Variants in IL17RC observed in about 807,000 individuals in gnomAD.
The protein encoded by IL17RC is interleukin 17 receptor C.
In IL17RC, 53 loss-of-function variants were observed where a neutral mutation model predicts 86.7. The ratio of observed to expected loss-of-function variants is 0.61; its 90% CI spans 0.49 to 0.77. The LOEUF (loss-of-function observed/expected upper bound fraction) is 0.77. Ranked by LOEUF, IL17RC falls within the 30% of genes least tolerant of loss-of-function variation. IL17RC has a pLI of 0.00. For synonymous variants in IL17RC, 439 were observed against 413.1 expected, an observed-to-expected ratio of 1.06 and a Z score of -0.76; for missense variants, 957 against 940.0, an observed-to-expected ratio of 1.02 and a Z score of -0.24.
intron 7 of IL17RC, among the ~76,000 whole-genome samples, chr3:9,923,033 G>C (rs984262690): frequency 6.6e-6 from 1 of 151,878 alleles, no homozygotes; most frequent in Non-Finnish European, 1.5e-5. Context: ...AAAATCAGCT[G>C]GGCATGGTGG....
chr3:9,925,955 G>C (rs919134708), intron 9 of IL17RC, among the ~76,000 whole-genome samples: 1 of 150,028 alleles, frequency 6.7e-6, no homozygotes, highest in South Asian at 2.1e-4. Flanking sequence ...AAGCTCCCAG[G>C]TTCAAGGGAT....
At position 9,920,489 on chromosome 3, in the gene IL17RC, A is replaced by G. The variant is rs781581085; in HGVS notation, c.466-2A>G. 1.3e-6 allele frequency: 2 copies of G among 1,584,252 alleles called. No homozygotes were observed. On this transcript the variant is annotated splice_acceptor_variant, in intron 5 of 18. Transcript: ENST00000403601. LOFTEE classifies it high-confidence loss of function. ...CAGCCTTCCTCACCCCTCTCCTCAC[A>G]GGGCTCTGTGGTATATGACTGCTTC...
chr3:9,920,345 G>T, intron 5 of IL17RC, 146 bp from the exon 6 acceptor site: 1 of 588,896 alleles, frequency 1.7e-6, no homozygotes, highest in Non-Finnish European at 3.1e-6. Flanking sequence ...AAGGTGAATA[G>T]TAGATTTCAG....
rs1487986593 is a variant in IL17RC, at chr3:9,928,451, G to A, written c.1024G>A (p.Val342Ile). 6.2e-7 allele frequency: 1 copy of A among 1,609,460 alleles called. No homozygotes were observed. Among genetic ancestry groups the A allele is most frequent in the Non-Finnish European group, 8.5e-7 (1 of 1,179,698 alleles). ...APGGDPCQPL[V>I]PPLSWENVTV... Reference sequence around the variant, plus strand: ...GGGTGGGGACCCCTGCCAGCCACTGGTCCCACCGCTTTCCTGGGAGAACGT... The same window carrying A: ...GGGTGGGGACCCCTGCCAGCCACTGATCCCACCGCTTTCCTGGGAGAACGT... The change falls in exon 11 of 19, where the codon GTC (valine) becomes ATC (isoleucine). Residue 342 changes from valine to isoleucine, a missense_variant. Val to Ile is a conservative substitution (Grantham distance 29). Transcript: ENST00000403601.
intron 9 of IL17RC, among the ~76,000 whole-genome samples, chr3:9,927,703 G>T (rs999184787): frequency 3.3e-5 from 5 of 152,212 alleles, no homozygotes; most frequent in Admixed American, 3.3e-4. Context: ...CACTTTGGGA[G>T]GCTGAGACGG....
intron 12 of IL17RC, among the ~76,000 whole-genome samples, 158 bp downstream of exon 12, chr3:9,928,788 A>G (rs2084363912): frequency 6.6e-6 from 1 of 152,074 alleles, no homozygotes; most frequent in Non-Finnish European, 1.5e-5. Flanking sequence ...ACCCTGGGCA[A>G]CTCACTTCAC....
rs374720293 is a variant in IL17RC, at chr3:9,930,582, A to C, written c.1338+123A>C. 185 of 962,370 alleles carry C rather than the reference A, an allele frequency of 1.9e-4. No individual in the cohort carries two copies. Among genetic ancestry groups the C allele is most frequent in the South Asian group, 8.0e-4 (52 of 65,214 alleles). 59.6% of individuals were successfully genotyped at this position (962,370 alleles called of 1,614,324 possible). ...GCCCTGGGAAAGTTAAGAGTAGAAGAAGCACAGTTCCTATCCCCAAGGAGC... is the reference window on the plus strand; with the variant it reads ...GCCCTGGGAAAGTTAAGAGTAGAAGCAGCACAGTTCCTATCCCCAAGGAGC... On this transcript the variant is annotated intron_variant, in intron 15 of 18. Transcript: ENST00000403601. This position sits in a 1 kb window ranked among gnomAD's most constrained non-coding sequence, Gnocchi z 5.8.
rs144276462 is a variant in IL17RC, at chr3:9,917,327, C to G, written c.12C>G (p.Pro4=). Residue 4 remains proline (P), a synonymous_variant, in exon 1 of 19, where the codon CCC becomes CCG. Coordinates refer to ENST00000403601, the MANE Select transcript of IL17RC (RefSeq NM_153460.4). ...CTGGCACCTAGAAGATGCCTGTGCCCTGGTTCTTGCTGTCCTTGGCACTGG... is the reference window on the plus strand; with the variant it reads ...CTGGCACCTAGAAGATGCCTGTGCCGTGGTTCTTGCTGTCCTTGGCACTGG... MPV[P]WFLLSLALGR... The G allele has an allele frequency of 8.4e-4, 1,360 of 1,613,348 alleles. 26 individuals are homozygous for G. In the East Asian group the frequency reaches 0.03, roughly 35 times the overall value.
rs200531119 is a variant in IL17RC, at chr3:9,933,219, G to T, written c.1789G>T (p.Val597Leu). The T allele has an allele frequency of 9.5e-5, 152 of 1,607,638 alleles. No homozygotes were observed. In the East Asian group the frequency reaches 3.4e-3, roughly 36 times the overall value. The change falls in exon 19 of 19, where the codon GTG (valine) becomes TTG (leucine). Residue 597 changes from valine (V) to leucine (L), a missense_variant. Transcript: ENST00000403601. ...GTGCAGCGAGTGGCTACAGGATGGG[G>T]TGTCCGGGCCCGGGGCGCACGGCCC... ...ALCSEWLQDG[V>L]SGPGAHGPHD...
At chr3:9,923,276 C>T (rs1260379010) in intron 7 of IL17RC, among the ~76,000 whole-genome samples, 3 of 137,706 alleles carry the variant, frequency 2.2e-5, no homozygotes, top group Non-Finnish European at 3.1e-5. Context: ...ATAGGCTGTG[C>T]GCGATGGCTC....
At position 9,929,891 on chromosome 3, in the gene IL17RC, T is replaced by C; in HGVS notation, c.1150T>C (p.Trp384Arg). The stretch of plus-strand genomic sequence containing the variant: ...GAAGCTGCAGCTGCAGGAGTGCTTG[T>C]GGGCTGGTGAGTTGGGCCTGGGGGC... ...SEKLQLQECLWADSLGPLKDD... is the reference protein window; with the variant it reads ...SEKLQLQECLRADSLGPLKDD... Residue 384 changes from tryptophan (W) to arginine (R), a missense_variant, in exon 13 of 19, where the codon TGG becomes CGG. Coordinates refer to ENST00000403601, the MANE Select transcript of IL17RC (RefSeq NM_153460.4). The C allele has an allele frequency of 6.2e-7, 1 of 1,614,092 alleles. No homozygotes were observed. The highest frequency in any genetic ancestry group is 1.1e-5 in the South Asian group (1 of 91,072).
In IL17RC at chr3:9,928,306, C is replaced by T. The variant is rs1438138208; in HGVS notation, c.879C>T (p.Asp293=). The stretch of plus-strand genomic sequence containing the variant: ...GGTGACTGTGCCCTTTCCTTGCAGA[C>T]CCCCGCGCACACCAGAACCTCTGGC... ...VRTNICPFRE[D]PRAHQNLWQA... The change falls in exon 11 of 19, where the codon GAC becomes GAT. Residue 293 remains aspartate, a splice_region_variant and synonymous_variant. Transcript: ENST00000403601. 2 of 1,607,582 alleles carry T rather than the reference C, an allele frequency of 1.2e-6. No homozygotes were observed. Among genetic ancestry groups the T allele is most frequent in the South Asian group, 2.2e-5 (2 of 90,558 alleles).
At chr3:9,920,899 G>C in intron 6 of IL17RC, 26 bp from the exon 7 acceptor site, 1 of 1,603,184 alleles carries the variant, frequency 6.2e-7, no homozygotes, top group South Asian at 1.1e-5. Flanking sequence ...AGCCCCACTG[G>C]AGGCTCTTCT....
At chr3:9,921,456 A>AAAAACAAAAC (rs56964723) in intron 7 of IL17RC, among the ~76,000 whole-genome samples, 14 of 149,870 alleles carry the variant, frequency 9.3e-5, no homozygotes, top group East Asian at 6.0e-4. Context: ...CTCCGTCTCA[A>AAAAACAAAAC]AAAACAAAAC....
rs781234746 is a variant in IL17RC, at chr3:9,928,293, C to T, written c.878-12C>T. The T allele has an allele frequency of 6.2e-7, 1 of 1,610,898 alleles. No individual in the cohort carries two copies. ...GTACCTGGCCTGCGGTGACTGTGCC[C>T]TTTCCTTGCAGACCCCCGCGCACAC... On this transcript the variant is annotated splice_polypyrimidine_tract_variant and intron_variant, in intron 10 of 18. Transcript: ENST00000403601.
At position 9,933,590 on chromosome 3, in the gene IL17RC, TTAAA is replaced by T; in HGVS notation, c.*2_*5del. On this transcript the variant is annotated stop_retained_variant and 3_prime_UTR_variant, in exon 19 of 19. Transcript: ENST00000403601. Reference sequence around the variant, plus strand: ...CGGGACCTGGGGCGGGGGACGGGACTTAAATAAAGGCAGACGCTGTTTTTCTACC... The same window carrying T: ...CGGGACCTGGGGCGGGGGACGGGACTTAAAGGCAGACGCTGTTTTTCTACC... 2 of 1,589,172 alleles carry T rather than the reference TTAAA, an allele frequency of 1.3e-6. No homozygotes were observed. Among genetic ancestry groups the T allele is most frequent in the South Asian group, 1.1e-5 (1 of 89,110 alleles).
Position 9,917,716 on chromosome 3 carries a change from C to T in IL17RC, c.109C>T (p.Leu37Phe). The change falls in exon 2 of 19, where the codon CTC (leucine) becomes TTC (phenylalanine). Residue 37 changes from leucine (L) to phenylalanine (F), a missense_variant. By Grantham distance (22) the Leu-to-Phe change is conservative. Transcript: ENST00000403601. ...PQDATHCSPG[L>F]SCRLWDSDIL... ...CTCTCCTTTCTTTCCTTCCCAGGGC[C>T]TCTCCTGCCGCCTCTGGGGTAAGTA... The T allele has an allele frequency of 6.2e-7, 1 of 1,613,770 alleles. No homozygotes were observed. Among genetic ancestry groups the T allele is most frequent in the Non-Finnish European group, 8.5e-7 (1 of 1,180,034 alleles).
At chr3:9,929,978 A>G (rs2084499650) in intron 13 of IL17RC, 50 bp from the exon 14 acceptor site, 2 of 1,613,680 alleles carry the variant, frequency 1.2e-6, no homozygotes, top group African/African-American at 2.7e-5. Context: ...GCAAGTGGCC[A>G]ATCCCAGCAA....
At chr3:9,919,102 T>G (rs1056130928) in intron 5 of IL17RC, 4 of 152,550 alleles carry the variant, frequency 2.6e-5, no homozygotes, top group African/African-American at 9.7e-5. Flanking sequence ...GCACGGGCCT[T>G]GCTAATCTTT....
Sources: allele counts gnomAD v4.1 joint callset (sites outside exome capture counted in the v4.1 genomes callset), GRCh38; gene constraint gnomAD v4.1.1; non-coding constraint Gnocchi (gnomAD v3.1); transcripts MANE v1.5; gene names NCBI Gene and HGNC (gene_info 2026-07-23, HGNC 2026-07-21).